Variants in POLR1G observed in about 807,000 individuals in gnomAD.
POLR1G encodes DNA-directed RNA polymerase I subunit RPA34.
POLR1G carries 9 observed loss-of-function variants against 6.3 expected under a neutral mutation model. The observed-to-expected ratio is 1.44, with a 90% CI of 0.87 to 2.51. The LOEUF is 2.51. Ranked by LOEUF, POLR1G falls within the 30% of genes most tolerant of loss-of-function variation. POLR1G has a pLI of 0.00. For synonymous variants in POLR1G, 248 were observed against 256.5 expected (o/e 0.97, Z 0.32); for missense variants, 617 against 632.5 (o/e 0.98, Z 0.26).
Position 45,406,923 on chromosome 19 carries a change from T to A in POLR1G, c.23-171T>A. On this transcript the variant is annotated intron_variant, in intron 1 of 2. Coordinates refer to ENST00000309424, the MANE Select transcript of POLR1G (RefSeq NM_012099.3). This position sits in a 1 kb window ranked among gnomAD's most constrained non-coding sequence, Gnocchi z 4.2. ...TGGAGAGCAAGGCGCCCCCAGGGGT[T>A]GGATCGGTGAAATTGAGGTCGCCCC... 9.8e-7 allele frequency: 1 copy of A among 1,023,304 alleles called. No individual in the cohort carries two copies. Among genetic ancestry groups the A allele is most frequent in the East Asian group, 2.8e-5 (1 of 36,346 alleles). 63.4% of individuals were successfully genotyped at this position (1,023,304 alleles called of 1,614,324 possible).
chr19:45,408,407 C>T lies in POLR1G; in HGVS notation c.439C>T (p.Pro147Ser), dbSNP rs771033441. 6.2e-6 allele frequency: 10 copies of T among 1,613,300 alleles called. No individual in the cohort carries two copies. Among genetic ancestry groups the T allele is most frequent in the Non-Finnish European group, 8.5e-6 (10 of 1,179,740 alleles). Residue 147 changes from proline (P) to serine (S), a missense_variant, in exon 3 of 3, where the codon CCT becomes TCT. Transcript: ENST00000309424. ...PPPQIPPGLR[P>S]RFCAFGGNPP... is the part of the protein sequence containing the mutation. ...ACCACAGATCCCTCCTGGCCTGAGG[C>T]CTCGGTTCTGTGCCTTTGGGGGCAA...
chr19:45,406,825 C>T lies in POLR1G; in HGVS notation c.22+107C>T, dbSNP rs1022928209. On this transcript the variant is annotated intron_variant, in intron 1 of 2. Coordinates refer to ENST00000309424, the MANE Select transcript of POLR1G (RefSeq NM_012099.3). This position sits in a 1 kb window ranked among gnomAD's most constrained non-coding sequence, Gnocchi z 4.2. ...GAGGCGTACCTGCAAGCAGGACTTG[C>T]GAAGAGCGTGCATTCCCAGTGGGCG... 3 of 1,158,000 alleles carry T rather than the reference C, an allele frequency of 2.6e-6. No individual in the cohort carries two copies. The highest frequency in any genetic ancestry group is 3.6e-6 in the Non-Finnish European group (3 of 844,336). The allele number at this position is 1,158,000 out of a possible 1,614,324, so 71.7% of individuals were successfully genotyped here. A position where few individuals can be genotyped will look rare whatever the true frequency, so the allele number is the denominator to read the frequency against.
Position 45,409,251 on chromosome 19 carries a change from AAGAG to A in POLR1G, c.1288_1291del (p.Arg430ValfsTer4), listed in dbSNP as rs747817890. 1.2e-6 allele frequency: 2 copies of A among 1,613,442 alleles called. No homozygotes were observed. Among genetic ancestry groups the A allele is most frequent in the Non-Finnish European group, 1.7e-6 (2 of 1,179,654 alleles). Reference sequence around the variant, plus strand: ...TCCACCAAGAAGAAGAAGAAGAAGAAAGAGAGAGGTCACACAGTGACTGAGCCAA... The same window carrying A: ...TCCACCAAGAAGAAGAAGAAGAAGAAAGAGGTCACACAGTGACTGAGCCAA... On this transcript the variant is annotated frameshift_variant, in exon 3 of 3. Transcript: ENST00000309424. LOFTEE classifies it low-confidence loss of function (END_TRUNC).
rs1184782156 is a variant in POLR1G at position 45,409,889 on chromosome 19, A to AT, written c.*390dup. On this transcript the variant is annotated 3_prime_UTR_variant, in exon 3 of 3. Coordinates refer to ENST00000309424, the MANE Select transcript of POLR1G (RefSeq NM_012099.3). Reference sequence around the variant, plus strand: ...ACAATCTTTTTAAGTTATTATTATTATTATTATTTTTTTTTTTTTTGAGAT... The same window carrying AT: ...ACAATCTTTTTAAGTTATTATTATTATTTATTATTTTTTTTTTTTTTGAGAT... 3.5e-4 allele frequency: 82 copies of AT among 237,656 alleles called. 1 individual carries two copies. The highest frequency in any genetic ancestry group is 4.6e-4 in the Non-Finnish European group (67 of 146,428). 14.7% of individuals were successfully genotyped at this position (237,656 alleles called of 1,614,324 possible). A position where few individuals can be genotyped will look rare whatever the true frequency, so the allele number is the denominator to read the frequency against.
intron 2 of POLR1G, chr19:45,407,757 T>G (rs143529478): frequency 2.8e-5 from 7 of 251,082 alleles, no homozygotes; most frequent in Non-Finnish European, 5.4e-5. Flanking sequence ...AGTCATGTTT[T>G]ATTAAAAACC....
At position 45,409,170 on chromosome 19, in the gene POLR1G, CAG is replaced by C; in HGVS notation, c.1205_1206del (p.Glu402GlyfsTer5). 6.2e-7 allele frequency: 1 copy of C among 1,613,548 alleles called. No homozygotes were observed. Among genetic ancestry groups the C allele is most frequent in the Non-Finnish European group, 8.5e-7 (1 of 1,179,700 alleles). On this transcript the variant is annotated frameshift_variant, in exon 3 of 3. Coordinates refer to ENST00000309424, the MANE Select transcript of POLR1G (RefSeq NM_012099.3). LOFTEE classifies it low-confidence loss of function (END_TRUNC). ...CAAGATGCCACAGTGGAGCCAGAGA[CAG>C]AGGTGGTGGGGCCTGAGCTGCCGGA... is the stretch of plus-strand genomic sequence containing the variant.
Position 45,409,684 on chromosome 19 carries a change from T to G in POLR1G, c.*183T>G. The G allele has an allele frequency of 9.1e-7, 1 of 1,096,938 alleles. No homozygotes were observed. Among genetic ancestry groups the G allele is most frequent in the Non-Finnish European group, 1.4e-6 (1 of 708,060 alleles). 68.0% of individuals were successfully genotyped at this position (1,096,938 alleles called of 1,614,324 possible). A position where few individuals can be genotyped will look rare whatever the true frequency, so the allele number is the denominator to read the frequency against. On this transcript the variant is annotated 3_prime_UTR_variant, in exon 3 of 3. Transcript: ENST00000309424. ...TTGGCAGCTGGGGTCATCAGGGTAC[T>G]TTCAAGAAGGGCTCGTGCAGGACAT...
In POLR1G at chr19:45,409,890, T is replaced by TTAC. The variant is rs1973588312; in HGVS notation, c.*391_*392insCTA. 7.4e-5 allele frequency: 18 copies of TTAC among 241,786 alleles called. No individual in the cohort carries two copies. The South Asian group carries it at 3.1e-3, about 42-fold the overall frequency. The allele number at this position is 241,786 out of a possible 1,614,324, so 15.0% of individuals were successfully genotyped here. ...CAATCTTTTTAAGTTATTATTATTA[T>TTAC]TATTATTTTTTTTTTTTTTGAGATG... On this transcript the variant is annotated 3_prime_UTR_variant, in exon 3 of 3. Coordinates refer to ENST00000309424, the MANE Select transcript of POLR1G (RefSeq NM_012099.3).
At position 45,407,121 on chromosome 19, in the gene POLR1G, A is replaced by G; in HGVS notation, c.50A>G (p.Asn17Ser). Residue 17 changes from asparagine (N) to serine (S), a missense_variant, in exon 2 of 3, where the codon AAC becomes AGC. Transcript: ENST00000309424. ...GDAARFSCPP[N>S]FTAKPPASES... The stretch of plus-strand genomic sequence containing the variant: ...GCTGCTCGGTTCTCTTGTCCCCCCA[A>G]CTTTACCGCGAAGCCCCCAGCCTCA... The G allele has an allele frequency of 3.1e-6, 5 of 1,604,490 alleles. No individual in the cohort carries two copies. Among genetic ancestry groups the G allele is most frequent in the Non-Finnish European group, 2.5e-6 (3 of 1,177,602 alleles).
Position 45,406,909 on chromosome 19 carries a change from G to C in POLR1G, c.23-185G>C, listed in dbSNP as rs1973385109. ...TGGGGGGCTACCCGTGGAGAGCAAG[G>C]CGCCCCCAGGGGTTGGATCGGTGAA... On this transcript the variant is annotated intron_variant, in intron 1 of 2. Transcript: ENST00000309424. The surrounding 1 kb of genome is among the most constrained non-coding windows in gnomAD (Gnocchi z 4.2). 3.1e-6 allele frequency: 3 copies of C among 972,872 alleles called. No homozygotes were observed. The highest frequency in any genetic ancestry group is 4.4e-6 in the Non-Finnish European group (3 of 678,680). The allele number at this position is 972,872 out of a possible 1,614,324, so 60.3% of individuals were successfully genotyped here. A position where few individuals can be genotyped will look rare whatever the true frequency, so the allele number is the denominator to read the frequency against.
In POLR1G at chr19:45,410,127, T is replaced by TG; in HGVS notation, c.*627dup. The TG allele has an allele frequency of 6.4e-6, 1 of 155,348 alleles. No homozygotes were observed. The highest frequency in any genetic ancestry group is 2.0e-4 in the South Asian group (1 of 4,920). The allele number at this position is 155,348 out of a possible 1,614,324, so 9.6% of individuals were successfully genotyped here. On this transcript the variant is annotated 3_prime_UTR_variant, in exon 3 of 3. Transcript: ENST00000309424. ...TGGTCTCGATCTCCTGACCTCCTGA[T>TG]GCGCCTGCCTCAGCCTCCCAGTGCT... is the stretch of plus-strand genomic sequence containing the variant.
chr19:45,407,062 G>A (rs776024192), intron 1 of POLR1G, 32 bp from the exon 2 acceptor site: 1 of 1,578,440 alleles, frequency 6.3e-7, no homozygotes, highest in Non-Finnish European at 8.6e-7. Context: ...GCAAGGAGGT[G>A]TCAGTCGACC....
rs55913780 is a variant in POLR1G at position 45,409,895 on chromosome 19, A to T, written c.*394A>T. 0.31 allele frequency: 52,599 copies of T among 170,384 alleles called. 9,772 individuals are homozygous for T. Among genetic ancestry groups the T allele is most frequent in the Non-Finnish European group, 0.41 (36,578 of 90,208 alleles). The allele number at this position is 170,384 out of a possible 1,614,324, so 10.6% of individuals were successfully genotyped here. A position where few individuals can be genotyped will look rare whatever the true frequency, so the allele number is the denominator to read the frequency against. On this transcript the variant is annotated 3_prime_UTR_variant, in exon 3 of 3. Coordinates refer to ENST00000309424, the MANE Select transcript of POLR1G (RefSeq NM_012099.3). ...TTTTTAAGTTATTATTATTATTATT[A>T]TTTTTTTTTTTTTTGAGATGGAGTC...
chr19:45,408,759 C>T lies in POLR1G; in HGVS notation c.791C>T (p.Pro264Leu). The T allele has an allele frequency of 6.2e-7, 1 of 1,613,722 alleles. No homozygotes were observed. Among genetic ancestry groups the T allele is most frequent in the Non-Finnish European group, 8.5e-7 (1 of 1,179,956 alleles). The stretch of plus-strand genomic sequence containing the variant: ...CCCAAAGGGAAAGAAACCTTCGAGC[C>T]AGAAGACAAGACAGTGAAGCAGGAA... ...KKPKGKETFE[P>L]EDKTVKQEQI... Residue 264 changes from proline to leucine, a missense_variant, in exon 3 of 3, where the codon CCA becomes CTA. Coordinates refer to ENST00000309424, the MANE Select transcript of POLR1G (RefSeq NM_012099.3).
chr19:45,409,687 CAAG>C lies in POLR1G; in HGVS notation c.*190_*192del, dbSNP rs747755685. ...GCAGCTGGGGTCATCAGGGTACTTT[CAAG>C]AAGGGCTCGTGCAGGACATCAAACA... is the stretch of plus-strand genomic sequence containing the variant. On this transcript the variant is annotated 3_prime_UTR_variant, in exon 3 of 3. Transcript: ENST00000309424. 3.8e-6 allele frequency: 4 copies of C among 1,061,698 alleles called. No homozygotes were observed. Among genetic ancestry groups the C allele is most frequent in the Non-Finnish European group, 4.4e-6 (3 of 675,946 alleles). The allele number at this position is 1,061,698 out of a possible 1,614,324, so 65.8% of individuals were successfully genotyped here.
Position 45,408,141 on chromosome 19 carries a change from G to A in POLR1G, c.173G>A (p.Gly58Glu). 6.3e-7 allele frequency: 1 copy of A among 1,597,634 alleles called. No individual in the cohort carries two copies. Among genetic ancestry groups the A allele is most frequent in the Non-Finnish European group, 8.6e-7 (1 of 1,167,984 alleles). ...PADFAPECFN[G>E]RHVPLSGSQI... ...CCTGTTTCTCTCTGTAGCTTCAATG[G>A]GCGGCATGTGCCTCTCTCTGGCTCC... is the stretch of plus-strand genomic sequence containing the variant. The change falls in exon 3 of 3, where the codon GGG (glycine) becomes GAG (glutamate). Residue 58 changes from glycine to glutamate, a missense_variant. Coordinates refer to ENST00000309424, the MANE Select transcript of POLR1G (RefSeq NM_012099.3).
At chr19:45,407,329 CAG>C in intron 2 of POLR1G, 94 bp downstream of exon 2, 2 of 1,218,582 alleles carry the variant, frequency 1.6e-6, no homozygotes, top group South Asian at 2.7e-5. Flanking sequence ...AGGTGAGTCA[CAG>C]AGCACAGTGA....
At position 45,408,537 on chromosome 19, in the gene POLR1G, C is replaced by G; in HGVS notation, c.569C>G (p.Ala190Gly). ...QVTEAPVTQEAVNGHGALEVD... is the reference protein window; with the variant it reads ...QVTEAPVTQEGVNGHGALEVD... ...ACAGAGGCCCCAGTCACTCAGGAGG[C>G]AGTGAATGGGCACGGGGCCCTGGAG... is the stretch of plus-strand genomic sequence containing the variant. The change falls in exon 3 of 3, where the codon GCA becomes GGA. Residue 190 changes from alanine to glycine, a missense_variant. By Grantham distance (60) the Ala-to-Gly change is moderately conservative. Coordinates refer to ENST00000309424, the MANE Select transcript of POLR1G (RefSeq NM_012099.3). 6.2e-7 allele frequency: 1 copy of G among 1,613,920 alleles called. No homozygotes were observed. The highest frequency in any genetic ancestry group is 8.5e-7 in the Non-Finnish European group (1 of 1,179,972).
In POLR1G at chr19:45,408,975, A is replaced by G. The variant is rs1429548281; in HGVS notation, c.1007A>G (p.Gln336Arg). Residue 336 changes from glutamine to arginine, a missense_variant, in exon 3 of 3, where the codon CAG becomes CGG. Transcript: ENST00000309424. ...AAGAAGAGGAAAAAAGAAAAGGGACAGATGGCAATGATGGAGCCAGGGACG... is the reference window on the plus strand; with the variant it reads ...AAGAAGAGGAAAAAAGAAAAGGGACGGATGGCAATGATGGAGCCAGGGACG... Reference protein sequence around the residue: ...PTKKRKKEKGQMAMMEPGTEA... With the variant: ...PTKKRKKEKGRMAMMEPGTEA... 3.7e-6 allele frequency: 6 copies of G among 1,613,980 alleles called. No individual in the cohort carries two copies. The highest frequency in any genetic ancestry group is 5.1e-6 in the Non-Finnish European group (6 of 1,180,022).
Sources: gnomAD v4.1 joint callset for allele counts on GRCh38, gnomAD v4.1.1 for gene constraint, Gnocchi (gnomAD v3.1) non-coding constraint, MANE v1.5 for transcripts, NCBI Gene and HGNC (gene_info 2026-07-23, HGNC 2026-07-21) for gene names.